The following ANKS1B variants were observed in gnomAD, a reference collection of about 807,000 sequenced individuals.
ANKS1B encodes ankyrin repeat and sterile alpha motif domain-containing protein 1B.
ANKS1B carries 36 observed loss-of-function variants against 148.3 expected under a neutral mutation model. That is an observed-to-expected ratio of 0.24 (90% CI 0.19 to 0.32). The LOEUF (loss-of-function observed/expected upper bound fraction) is 0.32, where lower values mean the gene tolerates loss of function less well. Ranked by LOEUF, ANKS1B falls within the 10% of genes least tolerant of loss-of-function variation. The pLI is 1.00. For synonymous variants in ANKS1B, 542 were observed against 560.8 expected (o/e 0.97, Z 0.47); for missense variants, 1,157 against 1,542.6 (o/e 0.75, Z 4.19).
At chr12:98,931,829 C>CAT (rs1322919350) in intron 17 of ANKS1B, 1 of 152,104 alleles carries the variant, frequency 6.6e-6, no homozygotes, top group Non-Finnish European at 1.5e-5. Flanking sequence ...TGAACCAAAA[C>CAT]TCTATTTTTT....
chr12:99,516,141 A>C (rs2096818495), intron 9 of ANKS1B, among the ~76,000 whole-genome samples: 1 of 152,056 alleles, frequency 6.6e-6, no homozygotes, highest in South Asian at 2.1e-4. Context: ...GCTGTGCAGA[A>C]GCTTTTGAAC....
chr12:99,793,060 T>C (rs2065855968), intron 4 of ANKS1B, among the ~76,000 whole-genome samples: 1 of 151,548 alleles, frequency 6.6e-6, no homozygotes, highest in African/African-American at 2.4e-5. Context: ...CAGTAAACAA[T>C]GTGAAAAAGA....
intron 17 of ANKS1B, among the ~76,000 whole-genome samples, chr12:99,048,158 G>A (rs2099963676): frequency 6.6e-6 from 1 of 152,192 alleles, no homozygotes; most frequent in African/African-American, 2.4e-5. Flanking sequence ...GGGAAGAGAT[G>A]GAGGTGGCTT....
At chr12:99,795,764 A>G (rs1045586023) in intron 4 of ANKS1B, among the ~76,000 whole-genome samples, 3 of 152,004 alleles carry the variant, frequency 2.0e-5, no homozygotes, top group African/African-American at 7.2e-5. Flanking sequence ...CTGAACCCGA[A>G]TGCCATCAAT....
chr12:99,303,755 A>T (rs751916354), intron 12 of ANKS1B, among the ~76,000 whole-genome samples: 1 of 152,076 alleles, frequency 6.6e-6, no homozygotes, highest in Non-Finnish European at 1.5e-5. Context: ...ACTGTACTCA[A>T]TGTGTAGTCT....
At chr12:99,460,948 A>G (rs1431766974) in intron 10 of ANKS1B, among the ~76,000 whole-genome samples, 1 of 152,046 alleles carries the variant, frequency 6.6e-6, no homozygotes, top group Non-Finnish European at 1.5e-5. Context: ...TTGCACACAC[A>G]TGTTTATAGC....
intron 14 of ANKS1B, among the ~76,000 whole-genome samples, chr12:99,240,265 T>C (rs1404079260): frequency 6.6e-6 from 1 of 152,178 alleles, no homozygotes; most frequent in Non-Finnish European, 1.5e-5. Context: ...ATTGCAATCC[T>C]AGTCTCTGAT....
intron 9 of ANKS1B, among the ~76,000 whole-genome samples, chr12:99,594,088 A>G (rs761078224): frequency 2.6e-5 from 4 of 151,942 alleles, no homozygotes; most frequent in Non-Finnish European, 4.4e-5. Flanking sequence ...TTCTCCCCCT[A>G]TCTAAAATGG....
chr12:99,220,220 G>A (rs905465924), intron 14 of ANKS1B, among the ~76,000 whole-genome samples: 4 of 152,096 alleles, frequency 2.6e-5, no homozygotes, highest in Admixed American at 2.6e-4. Flanking sequence ...GGCTGGTCTT[G>A]AACTCCTGAC....
At chr12:99,228,475 G>A (rs2086309783) in intron 14 of ANKS1B, among the ~76,000 whole-genome samples, 1 of 151,836 alleles carries the variant, frequency 6.6e-6, no homozygotes, top group South Asian at 2.1e-4. Context: ...TGAAATTGGA[G>A]AAATGAGTGG....
chr12:98,944,539 T>G (rs2099842168), intron 17 of ANKS1B, among the ~76,000 whole-genome samples: 1 of 152,174 alleles, frequency 6.6e-6, no homozygotes, highest in African/African-American at 2.4e-5. Context: ...GGGCAATTGC[T>G]CTGCCTACCA....
chr12:99,316,803 G>T (rs2084197269), intron 12 of ANKS1B, among the ~76,000 whole-genome samples: 1 of 152,166 alleles, frequency 6.6e-6, no homozygotes, highest in African/African-American at 2.4e-5. Context: ...ATGGTTTTAG[G>T]TCTAACATTT....
At chr12:99,539,655 C>T (rs1463720920) in intron 9 of ANKS1B, among the ~76,000 whole-genome samples, 1 of 152,096 alleles carries the variant, frequency 6.6e-6, no homozygotes, top group East Asian at 1.9e-4. Flanking sequence ...TCAACAATTA[C>T]ATTAAATGTA....
intron 17 of ANKS1B, among the ~76,000 whole-genome samples, chr12:99,029,605 T>A (rs1598675171): frequency 6.6e-6 from 1 of 152,196 alleles, no homozygotes; most frequent in African/African-American, 2.4e-5. Flanking sequence ...AAACATAGAC[T>A]GGAGGAAGCC....
chr12:99,633,977 G>A (rs1456564492), intron 9 of ANKS1B, among the ~76,000 whole-genome samples: 1 of 152,078 alleles, frequency 6.6e-6, no homozygotes, highest in Admixed American at 6.5e-5. Flanking sequence ...TATGAATTTT[G>A]GACATTTGGG....
At chr12:99,552,491 TCTCA>T (rs2097230415) in intron 9 of ANKS1B, among the ~76,000 whole-genome samples, 1 of 152,188 alleles carries the variant, frequency 6.6e-6, no homozygotes, top group Non-Finnish European at 1.5e-5. Context: ...CACATAAAAC[TCTCA>T]CTAAATAGTT....
At chr12:99,693,398 A>C (rs1187599149) in intron 8 of ANKS1B, among the ~76,000 whole-genome samples, 5 of 152,220 alleles carry the variant, frequency 3.3e-5, no homozygotes, top group Admixed American at 2.6e-4. Flanking sequence ...ATGACAGTAG[A>C]TATCTCTTTC....
chr12:99,527,561 T>C (rs1450010514), intron 9 of ANKS1B, among the ~76,000 whole-genome samples: 7 of 152,136 alleles, frequency 4.6e-5, no homozygotes, highest in African/African-American at 1.7e-4. Flanking sequence ...GAGAGTTATA[T>C]CTTACAATTA....
At chr12:99,404,447 T>C (rs1353884397) in intron 11 of ANKS1B, among the ~76,000 whole-genome samples, 6 of 144,882 alleles carry the variant, frequency 4.1e-5, no homozygotes, top group Non-Finnish European at 7.6e-5. Flanking sequence ...AACAAAGAGA[T>C]TGAAATTATT....
Sources: gnomAD v4.1 joint callset for allele counts (sites outside exome capture counted in the v4.1 genomes callset) on GRCh38, gnomAD v4.1.1 for gene constraint, MANE v1.5 for transcripts, NCBI Gene and HGNC (gene_info 2026-07-23, HGNC 2026-07-21) for gene names.